PHLDB2: variants seen among roughly 807,000 people sequenced by gnomAD.
PHLDB2 encodes pleckstrin homology like domain family B member 2, also known as pleckstrin homology-like domain family B member 2.
PHLDB2 carries 71 observed loss-of-function variants against 123.6 expected under a neutral mutation model. The ratio of observed to expected loss-of-function variants is 0.57; its 90% confidence interval spans 0.47 to 0.70. The LOEUF (loss-of-function observed/expected upper bound fraction) is 0.70. Ranked by LOEUF, PHLDB2 falls within the 30% of genes least tolerant of loss-of-function variation. The probability of loss-of-function intolerance (pLI) is 0.00; values close to 1 mark genes in which losing one functional copy is unlikely to be tolerated. For synonymous variants in PHLDB2, 547 were observed against 541.6 expected (o/e 1.01, Z -0.14); for missense variants, 1,446 against 1,519.5 (o/e 0.95, Z 0.80).
intron 2 of PHLDB2, among the ~76,000 whole-genome samples, chr3:111,894,931 C>T (rs796521944): frequency 1.3e-5 from 2 of 149,816 alleles, no homozygotes; most frequent in East Asian, 2.0e-4. Context: ...TGCTGGTTTG[C>T]GTGTGTGTGT....
chr3:111,861,825 C>A (rs2064846976), intron 1 of PHLDB2, among the ~76,000 whole-genome samples: 1 of 152,168 alleles, frequency 6.6e-6, no homozygotes, highest in Non-Finnish European at 1.5e-5. Flanking sequence ...ATTAACCAAT[C>A]TCTGGTTTTC....
At chr3:111,805,967 C>T (rs979374306) in intron 1 of PHLDB2, among the ~76,000 whole-genome samples, 1 of 150,728 alleles carries the variant, frequency 6.6e-6, no homozygotes, top group Non-Finnish European at 1.5e-5. Context: ...CTAGAAAAGG[C>T]AAAACAATAG....
chr3:111,918,431 A>C (rs550036613), intron 3 of PHLDB2, among the ~76,000 whole-genome samples: 7 of 152,240 alleles, frequency 4.6e-5, no homozygotes, highest in African/African-American at 1.7e-4. Flanking sequence ...ACTAACACAA[A>C]AGTGAAGCAT....
intron 1 of PHLDB2, among the ~76,000 whole-genome samples, chr3:111,765,571 G>C (rs529555683): frequency 2.0e-5 from 3 of 152,310 alleles, no homozygotes; most frequent in African/African-American, 7.2e-5. Flanking sequence ...AAAACGGAGA[G>C]AGAAATGTAT....
intron 11 of PHLDB2, 112 bp from the exon 12 acceptor site, chr3:111,953,818 C>G (rs922863035): frequency 2.8e-5 from 21 of 749,728 alleles, no homozygotes; most frequent in Non-Finnish European, 4.0e-5. Flanking sequence ...AAAGACTTAC[C>G]TTCTCTGCCC....
chr3:111,917,943 C>T (rs947524668), intron 3 of PHLDB2, among the ~76,000 whole-genome samples: 7 of 151,954 alleles, frequency 4.6e-5, no homozygotes, highest in Admixed American at 3.3e-4. Context: ...ATTTACTCAA[C>T]TGGGCTGCTG....
intron 8 of PHLDB2, among the ~76,000 whole-genome samples, chr3:111,944,919 C>T (rs1251082504): frequency 1.3e-5 from 2 of 152,180 alleles, no homozygotes; most frequent in African/African-American, 4.8e-5. Context: ...GATCTGCCCG[C>T]CTCAGCCTCC....
chr3:111,873,791 T>C (rs1040503904), intron 1 of PHLDB2, among the ~76,000 whole-genome samples: 1 of 152,218 alleles, frequency 6.6e-6, no homozygotes, highest in Non-Finnish European at 1.5e-5. Context: ...TCAGATTTTT[T>C]TTGTAGCCAC....
chr3:111,756,432 G>A (rs946213913), intron 1 of PHLDB2, among the ~76,000 whole-genome samples: 5 of 152,162 alleles, frequency 3.3e-5, no homozygotes, highest in African/African-American at 1.2e-4. Context: ...TTTGATCTTT[G>A]TTGGTTTAAA....
At chr3:111,794,360 C>T (rs757475395) in intron 1 of PHLDB2, among the ~76,000 whole-genome samples, 9 of 152,102 alleles carry the variant, frequency 5.9e-5, no homozygotes, top group African/African-American at 1.4e-4. Flanking sequence ...ATGTGGCTGC[C>T]GCTGCGGAAT....
intron 1 of PHLDB2, among the ~76,000 whole-genome samples, chr3:111,766,084 T>A (rs1312903700): frequency 5.3e-5 from 8 of 152,246 alleles, no homozygotes; most frequent in Admixed American, 4.6e-4. Flanking sequence ...TAATGAAGTG[T>A]ACCTGCTTTG....
intron 1 of PHLDB2, among the ~76,000 whole-genome samples, chr3:111,830,808 C>CAAAAAAAA (rs11475835): frequency 1.7e-4 from 9 of 53,346 alleles, no homozygotes; most frequent in East Asian, 1.2e-3. Context: ...GACTCCGTCT[C>CAAAAAAAA]AAAAAAAAAA....
intron 1 of PHLDB2, among the ~76,000 whole-genome samples, chr3:111,821,493 G>A (rs927782006): frequency 6.6e-6 from 1 of 152,212 alleles, no homozygotes; most frequent in Non-Finnish European, 1.5e-5. Flanking sequence ...GCTGTAGCTC[G>A]AGGCCAAAGG....
chr3:111,963,733 T>G (rs555134111), intron 13 of PHLDB2, among the ~76,000 whole-genome samples: 1 of 152,348 alleles, frequency 6.6e-6, no homozygotes, highest in Admixed American at 6.5e-5. Context: ...TGGAATTACC[T>G]CATTAATAGG....
intron 1 of PHLDB2, among the ~76,000 whole-genome samples, chr3:111,740,164 G>C (rs2059579123): frequency 6.6e-6 from 1 of 152,216 alleles, no homozygotes; most frequent in South Asian, 2.1e-4. Context: ...GGCTCACACG[G>C]GTTTACCTTA....
At chr3:111,943,889 T>A (rs1482224234) in intron 8 of PHLDB2, among the ~76,000 whole-genome samples, 2 of 152,184 alleles carry the variant, frequency 1.3e-5, no homozygotes, top group African/African-American at 4.8e-5. Context: ...ACAATATAAA[T>A]GAAAACATGT....
At chr3:111,895,108 A>G (rs1428967508) in intron 2 of PHLDB2, among the ~76,000 whole-genome samples, 1 of 152,056 alleles carries the variant, frequency 6.6e-6, no homozygotes. Flanking sequence ...ACTTGGAGAG[A>G]TGGGCAGAAA....
intron 2 of PHLDB2, among the ~76,000 whole-genome samples, chr3:111,848,455 T>G (rs2108594143): frequency 6.6e-6 from 1 of 152,282 alleles, no homozygotes; most frequent in Admixed American, 6.5e-5. Context: ...ATTACATTGC[T>G]CATCAATGCT....
intron 10 of PHLDB2, among the ~76,000 whole-genome samples, chr3:111,951,234 G>T (rs9834540): frequency 6.6e-6 from 1 of 152,006 alleles, no homozygotes; most frequent in African/African-American, 2.4e-5. Flanking sequence ...TAGCTCTGCC[G>T]CTGTCCAGCT....
Sources: gnomAD v4.1 joint callset for allele counts (sites outside exome capture counted in the v4.1 genomes callset) on GRCh38, gnomAD v4.1.1 for gene constraint, MANE v1.5 for transcripts, NCBI Gene and HGNC (gene_info 2026-07-23, HGNC 2026-07-21) for gene names.